Variants in CHRDL2 observed in about 807,000 individuals in gnomAD.
CHRDL2 encodes chordin like 2, also known as chordin-like protein 2.
CHRDL2 carries 41 observed loss-of-function variants against 54.3 expected under a neutral mutation model. That is an observed-to-expected ratio of 0.76 (90% CI 0.59 to 0.98). The LOEUF is 0.98. Ranked by LOEUF, CHRDL2 falls within the 50% of genes least tolerant of loss-of-function variation. The pLI is 0.00. For missense variants in CHRDL2, 518 were observed against 562.4 expected (o/e 0.92, Z 0.80); for synonymous variants, 220 against 224.3 (o/e 0.98, Z 0.17).
intron 3 of CHRDL2, among the ~76,000 whole-genome samples, chr11:74,711,289 C>T (rs949428234): frequency 6.6e-6 from 1 of 152,156 alleles, no homozygotes; most frequent in Non-Finnish European, 1.5e-5. Flanking sequence ...CCTCAGCTTC[C>T]GCTCAGTGGG....
rs1288405058 is a variant in CHRDL2 at position 74,730,832 on chromosome 11, GA to G, written c.56del (p.Phe19SerfsTer37). 1 of 1,612,722 alleles carries G rather than the reference GA, an allele frequency of 6.2e-7. No individual in the cohort carries two copies. Among genetic ancestry groups the G allele is most frequent in the South Asian group, 1.1e-5 (1 of 90,548 alleles). ...SSLLGLALLW[F>X]PLDSHARARP... ...GGGCTCGAGCGTGGGAGTCCAGGGG[GA>G]ACCAGAGCAGCGCGAGTCCCAGCAA... On this transcript the variant is annotated frameshift_variant, in exon 1 of 11. Transcript: ENST00000376332. LOFTEE classifies it high-confidence loss of function.
At chr11:74,708,901 G>A (rs1314595852) in intron 4 of CHRDL2, among the ~76,000 whole-genome samples, 2 of 152,202 alleles carry the variant, frequency 1.3e-5, no homozygotes, top group African/African-American at 4.8e-5. Flanking sequence ...CCTTCTGGGG[G>A]TCAGGGGCCA....
At chr11:74,721,476 G>T (rs992672872) in intron 1 of CHRDL2, among the ~76,000 whole-genome samples, 12 of 152,322 alleles carry the variant, frequency 7.9e-5, no homozygotes, top group Admixed American at 3.3e-4. Flanking sequence ...CTGAGAATGT[G>T]GGGGGCCTGG....
chr11:74,715,624 AG>A (rs1393079626), intron 2 of CHRDL2, among the ~76,000 whole-genome samples: 1 of 151,262 alleles, frequency 6.6e-6, no homozygotes, highest in Non-Finnish European at 1.5e-5. Context: ...AAAAAGAAAA[AG>A]AAAAAAAAAA....
chr11:74,700,160 TCA>T (rs1394434085), intron 9 of CHRDL2, among the ~76,000 whole-genome samples: 1 of 152,340 alleles, frequency 6.6e-6, no homozygotes, highest in Non-Finnish European at 1.5e-5. Flanking sequence ...CCTCTCAGAC[TCA>T]GTTTTCTTAC....
intron 2 of CHRDL2, among the ~76,000 whole-genome samples, chr11:74,715,770 G>A (rs1245054861): frequency 1.3e-5 from 2 of 151,476 alleles, no homozygotes; most frequent in Non-Finnish European, 2.9e-5. Context: ...TTTGAGGTCA[G>A]GTGTTTGAGA....
chr11:74,717,122 C>A (rs924899150), intron 2 of CHRDL2, among the ~76,000 whole-genome samples: 1 of 150,042 alleles, frequency 6.7e-6, no homozygotes, highest in African/African-American at 2.5e-5. Flanking sequence ...AAAAAAAAAA[C>A]CATTCTCACT....
rs1944937 is a variant in CHRDL2, at chr11:74,708,312, C to T, written c.516G>A (p.Gln172=). Residue 172 remains glutamine (Q), a synonymous_variant, in exon 5 of 11, where the codon CAG becomes CAA. Transcript: ENST00000376332. ...APLPLPDSCC[Q]ACKDEASEQS... is the part of the protein sequence containing the mutation. ...GAGGGACAGACTCACCTTTGCAGGC[C>T]TGGCAGCAGGAGTCTGGCAGCGGGA... 0.75 allele frequency: 1,179,778 copies of T among 1,573,922 alleles called. 443,396 individuals are homozygous for T. The highest frequency in any genetic ancestry group is 0.85 in the Admixed American group (46,167 of 54,464).
intron 2 of CHRDL2, among the ~76,000 whole-genome samples, chr11:74,714,806 C>T (rs1057445748): frequency 4.6e-5 from 7 of 152,058 alleles, no homozygotes; most frequent in African/African-American, 1.4e-4. Context: ...ATTCTGGCCT[C>T]GAAGGAGCCA....
chr11:74,697,178 GC>G, intron 10 of CHRDL2, 26 bp downstream of exon 10: 2 of 1,579,406 alleles, frequency 1.3e-6, no homozygotes, highest in Non-Finnish European at 8.7e-7. Context: ...TCCTGCCCCG[GC>G]CCCATTCCTC....
chr11:74,720,563 C>T (rs1446439582), intron 1 of CHRDL2, among the ~76,000 whole-genome samples: 3 of 151,436 alleles, frequency 2.0e-5, no homozygotes, highest in African/African-American at 7.3e-5. Flanking sequence ...TCTCTTAGTC[C>T]CCTGTTGGTC....
chr11:74,723,059 G>A (rs2034521776), intron 1 of CHRDL2, among the ~76,000 whole-genome samples: 1 of 152,190 alleles, frequency 6.6e-6, no homozygotes, highest in African/African-American at 2.4e-5. Context: ...TGGAGGCAGG[G>A]AGACCAGGGA....
intron 3 of CHRDL2, 100 bp downstream of exon 3, chr11:74,713,286 G>A: frequency 1.0e-6 from 1 of 999,434 alleles, no homozygotes; most frequent in Non-Finnish European, 1.5e-6. Context: ...CTGATGGGTA[G>A]AGACTGCCCC....
At chr11:74,730,705 G>C in intron 1 of CHRDL2, 102 bp downstream of exon 1, 1 of 1,115,896 alleles carries the variant, frequency 9.0e-7, no homozygotes, top group South Asian at 1.3e-5. Flanking sequence ...GGTGCTGCCT[G>C]GACGGCTGTC....
At chr11:74,723,270 C>T (rs1221702333) in intron 1 of CHRDL2, among the ~76,000 whole-genome samples, 9 of 152,172 alleles carry the variant, frequency 5.9e-5, no homozygotes, top group East Asian at 1.9e-4. Context: ...TGAACACATA[C>T]GTGAGTGTGC....
chr11:74,728,606 T>A (rs991103819), intron 1 of CHRDL2, among the ~76,000 whole-genome samples: 3 of 152,078 alleles, frequency 2.0e-5, no homozygotes, highest in African/African-American at 7.2e-5. Context: ...ACTCCTGAGC[T>A]CAAGGGTTCC....
chr11:74,706,347 G>A, intron 6 of CHRDL2, 140 bp downstream of exon 6: 2 of 756,722 alleles, frequency 2.6e-6, no homozygotes, highest in Non-Finnish European at 2.3e-6. Flanking sequence ...CTGGAATATA[G>A]TGGATGTTCA....
chr11:74,707,150 C>G (rs763002361), intron 5 of CHRDL2, among the ~76,000 whole-genome samples: 39 of 152,226 alleles, frequency 2.6e-4, no homozygotes, highest in Non-Finnish European at 4.1e-4. Context: ...CCTCACTCCA[C>G]AGTCTGATTC....
Position 74,703,304 on chromosome 11 carries a change from C to T in CHRDL2, c.946+1G>A. On this transcript the variant is annotated splice_donor_variant, in intron 8 of 10. Coordinates refer to ENST00000376332, the MANE Select transcript of CHRDL2 (RefSeq NM_001278473.3). LOFTEE classifies it high-confidence loss of function. ...TCCTTGCTCCCAGTGCCCCTGTGTA[C>T]CTGGGCAAATCTTGCAGCACTTCCC... 6.3e-7 allele frequency: 1 copy of T among 1,597,618 alleles called. No individual in the cohort carries two copies.
Sources: allele counts gnomAD v4.1 joint callset (sites outside exome capture counted in the v4.1 genomes callset), GRCh38; gene constraint gnomAD v4.1.1; transcripts MANE v1.5; gene names NCBI Gene and HGNC (gene_info 2026-07-23, HGNC 2026-07-21).